Variants in SOX5 observed in about 807,000 individuals in gnomAD.
SOX5 encodes the protein SRY-box transcription factor 5, also known as transcription factor SOX-5.
A neutral mutation model predicts 92.0 loss-of-function variants in SOX5; 9 were observed. That is an observed-to-expected ratio of 0.10 (90% confidence interval 0.06 to 0.17). SOX5 has a LOEUF of 0.17. Ranked by LOEUF, SOX5 falls within the 10% of genes least tolerant of loss-of-function variation. The probability of loss-of-function intolerance (pLI) is 1.00; values close to 1 mark genes in which losing one functional copy is unlikely to be tolerated. For synonymous variants in SOX5, 344 were observed against 336.3 expected, an observed-to-expected ratio of 1.02 and a Z score of -0.25; for missense variants, 642 against 944.5, an observed-to-expected ratio of 0.68 and a Z score of 4.20.
intron 3 of SOX5, among the ~76,000 whole-genome samples, chr12:23,838,528 A>C (rs915752438): frequency 1.3e-5 from 2 of 152,038 alleles, no homozygotes; most frequent in African/African-American, 2.4e-5. Context: ...TTCTGAAACT[A>C]ACACTTTTAG....
chr12:23,824,873 C>G (rs1443229812), intron 3 of SOX5, among the ~76,000 whole-genome samples: 1 of 152,220 alleles, frequency 6.6e-6, no homozygotes, highest in African/African-American at 2.4e-5. Context: ...TTTCCGGCAG[C>G]TTTGTTTAAA....
At chr12:23,809,054 C>G (rs919159298) in intron 3 of SOX5, among the ~76,000 whole-genome samples, 1 of 152,112 alleles carries the variant, frequency 6.6e-6, no homozygotes, top group South Asian at 2.1e-4. Context: ...GAACAGACAT[C>G]ATGTAAATCC....
intron 7 of SOX5, among the ~76,000 whole-genome samples, chr12:23,641,258 A>G (rs1004280773): frequency 3.3e-5 from 5 of 152,186 alleles, no homozygotes; most frequent in Admixed American, 6.5e-5. Context: ...AATTTACAGT[A>G]TTATTATAAA....
chr12:24,133,583 G>T (rs183813233), intron 4 of SOX5, among the ~76,000 whole-genome samples: 5 of 152,114 alleles, frequency 3.3e-5, no homozygotes, highest in South Asian at 4.1e-4. Flanking sequence ...AAGCACAAAG[G>T]GGGGTGTGGG....
At chr12:23,692,870 C>T (rs2089133169) in intron 6 of SOX5, among the ~76,000 whole-genome samples, 1 of 152,160 alleles carries the variant, frequency 6.6e-6, no homozygotes, top group African/African-American at 2.4e-5. Flanking sequence ...TTGTTTAGAA[C>T]AGTAATATCT....
chr12:24,386,226 A>G (rs1030323149), intron 1 of SOX5, among the ~76,000 whole-genome samples: 1 of 152,084 alleles, frequency 6.6e-6, no homozygotes, highest in African/African-American at 2.4e-5. Context: ...GATTTACTCT[A>G]CCTAACTTTC....
chr12:23,931,735 A>C (rs1941449471), intron 1 of SOX5, among the ~76,000 whole-genome samples: 1 of 151,738 alleles, frequency 6.6e-6, no homozygotes, highest in Non-Finnish European at 1.5e-5. Context: ...AAATGAGTTG[A>C]ATCTGTTCTG....
chr12:24,175,832 T>G (rs1392969308), intron 4 of SOX5, among the ~76,000 whole-genome samples: 1 of 151,930 alleles, frequency 6.6e-6, no homozygotes, highest in African/African-American at 2.4e-5. Context: ...GTACTAAAAA[T>G]AAAAATGGTT....
intron 1 of SOX5, among the ~76,000 whole-genome samples, chr12:24,459,965 A>G (rs2136018): frequency 1 from 152,219 of 152,328 alleles, 76,055 homozygotes; most frequent in Non-Finnish European, 1. Context: ...AGTGAATCTG[A>G]TGAATAAAGA....
chr12:24,151,141 T>A (rs541570436), intron 4 of SOX5, among the ~76,000 whole-genome samples: 36 of 152,192 alleles, frequency 2.4e-4, no homozygotes, highest in African/African-American at 8.7e-4. Context: ...GATGAAGGAC[T>A]AAAGGGTGGT....
intron 11 of SOX5, among the ~76,000 whole-genome samples, chr12:23,546,760 C>CT (rs1233146388): frequency 1.3e-5 from 2 of 152,132 alleles, no homozygotes; most frequent in Non-Finnish European, 2.9e-5. Context: ...TTTGGAATGT[C>CT]TGCTTTATTT....
At chr12:24,388,717 T>C (rs1363460582) in intron 1 of SOX5, among the ~76,000 whole-genome samples, 6 of 152,184 alleles carry the variant, frequency 3.9e-5, no homozygotes, top group Admixed American at 3.3e-4. Context: ...TTGAACACTT[T>C]CGTCACCCCA....
intron 2 of SOX5, among the ~76,000 whole-genome samples, chr12:24,346,453 CTT>C (rs35587389): frequency 4.8e-4 from 67 of 140,862 alleles, no homozygotes; most frequent in Admixed American, 5.0e-4. Flanking sequence ...TTTTGGAGTA[CTT>C]TTTTTTTTTT....
intron 4 of SOX5, among the ~76,000 whole-genome samples, chr12:23,975,474 G>T (rs1355087130): frequency 1.3e-5 from 2 of 152,042 alleles, no homozygotes; most frequent in Non-Finnish European, 2.9e-5. Context: ...CTGAACTACG[G>T]TTTGTTTTAT....
At chr12:23,765,164 T>A (rs1208958394) in intron 3 of SOX5, among the ~76,000 whole-genome samples, 1 of 151,950 alleles carries the variant, frequency 6.6e-6, no homozygotes, top group African/African-American at 2.4e-5. Context: ...ACCAAAGTAG[T>A]CCATCTGCCT....
intron 14 of SOX5, among the ~76,000 whole-genome samples, chr12:23,535,493 C>T (rs1436883204): frequency 6.6e-6 from 1 of 152,168 alleles, no homozygotes; most frequent in East Asian, 1.9e-4. Flanking sequence ...CTCATTTTTG[C>T]ATCTGGTCCT....
At chr12:23,834,415 T>C (rs904102046) in intron 3 of SOX5, among the ~76,000 whole-genome samples, 11 of 152,056 alleles carry the variant, frequency 7.2e-5, no homozygotes, top group African/African-American at 2.4e-4. Flanking sequence ...AGTTCCTCCA[T>C]ATAATAACAC....
At chr12:24,394,134 C>T (rs539556511) in intron 1 of SOX5, among the ~76,000 whole-genome samples, 10 of 152,240 alleles carry the variant, frequency 6.6e-5, no homozygotes, top group African/African-American at 2.4e-4. Context: ...GGTTTTATCA[C>T]ACACAACAAG....
chr12:24,455,011 C>T (rs1178332764), intron 1 of SOX5, among the ~76,000 whole-genome samples: 7 of 152,170 alleles, frequency 4.6e-5, no homozygotes, highest in African/African-American at 7.2e-5. Context: ...CCTCACACCT[C>T]GTTTATCCCA....
Sources: gnomAD v4.1 joint callset for allele counts (sites outside exome capture counted in the v4.1 genomes callset) on GRCh38, gnomAD v4.1.1 for gene constraint, MANE v1.5 for transcripts, NCBI Gene and HGNC (gene_info 2026-07-23, HGNC 2026-07-21) for gene names.